The following RAB40C variants were observed in gnomAD, a reference collection of about 807,000 sequenced individuals.
RAB40C encodes ras-related protein Rab-40C.
RAB40C carries 8 observed loss-of-function variants against 28.1 expected under a neutral mutation model. The observed-to-expected ratio is 0.28, with a 90% CI of 0.17 to 0.51. The LOEUF is 0.51. Among genes scored for constraint, RAB40C ranks in the 20% least tolerant of loss-of-function variants. The pLI is 0.97. For synonymous variants in RAB40C, 201 were observed against 171.7 expected (o/e 1.17, Z -1.34); for missense variants, 288 against 405.9 (o/e 0.71, Z 2.50).
rs772828486 is a variant in RAB40C, at chr16:623,186, G to A, written c.265-2246G>A. ...TGAGGCAGCCCATCAGCCGGGAGGC[G>A]GGCCTTCTGCTCTCTTTCTAGAGTT... On this transcript the variant is annotated intron_variant, in intron 3 of 5. Coordinates refer to ENST00000248139, the MANE Select transcript of RAB40C (RefSeq NM_021168.5). Among the ~76,000 whole-genome samples the A allele has an allele frequency of 9.8e-5, 15 of 152,342 alleles. No individual in the cohort carries two copies. The South Asian group carries it at 1.9e-3, about 19-fold the overall frequency.
At chr16:605,908 T>G (rs1431616087) in intron 1 of RAB40C, among the ~76,000 whole-genome samples, 1 of 152,242 alleles carries the variant, frequency 6.6e-6, no homozygotes, top group Non-Finnish European at 1.5e-5. Flanking sequence ...AGAGTCCTGT[T>G]TGTTCTAAGT....
chr16:622,474 C>G (rs138746680), intron 3 of RAB40C, among the ~76,000 whole-genome samples: 1 of 152,182 alleles, frequency 6.6e-6, no homozygotes, highest in Non-Finnish European at 1.5e-5. Context: ...AGGGCGAGCG[C>G]GCGTCCTGAC....
intron 1 of RAB40C, among the ~76,000 whole-genome samples, chr16:606,585 A>G (rs2036364007): frequency 1.3e-5 from 2 of 152,234 alleles, no homozygotes; most frequent in Non-Finnish European, 2.9e-5. Flanking sequence ...TGCAGGCCCT[A>G]CAGGAAGATG....
At chr16:619,033 A>C (rs1300330677) in intron 3 of RAB40C, among the ~76,000 whole-genome samples, 1 of 66,218 alleles carries the variant, frequency 1.5e-5, no homozygotes, top group Non-Finnish European at 2.9e-5. Flanking sequence ...GGTGTGGTGT[A>C]CTTGGAGCTG....
At chr16:614,665 C>T (rs1375674474) in intron 1 of RAB40C, among the ~76,000 whole-genome samples, 1 of 151,792 alleles carries the variant, frequency 6.6e-6, no homozygotes, top group South Asian at 2.1e-4. Context: ...AACTGCCAAA[C>T]TTTACCTCGT....
At chr16:600,127 C>T (rs771589776) in intron 1 of RAB40C, among the ~76,000 whole-genome samples, 19 of 152,200 alleles carry the variant, frequency 1.2e-4, no homozygotes, top group South Asian at 4.1e-4. Context: ...CTCCCATGGC[C>T]CCCTTGATGT....
At position 590,438 on chromosome 16, in the gene RAB40C, G is replaced by C; in HGVS notation, c.142+5G>C. On this transcript the variant is annotated splice_donor_5th_base_variant and intron_variant, in intron 1 of 5. Transcript: ENST00000248139. ...CCCCGTACGCCTACAGTAACGGTAA[G>C]GCCCGGCCCGCGGCGCGCGCTGCTA... 6.3e-7 allele frequency: 1 copy of C among 1,577,356 alleles called. No homozygotes were observed. Among genetic ancestry groups the C allele is most frequent in the South Asian group, 1.1e-5 (1 of 87,356 alleles).
At chr16:622,726 CATCTCTT>C (rs2036746245) in intron 3 of RAB40C, among the ~76,000 whole-genome samples, 1 of 152,134 alleles carries the variant, frequency 6.6e-6, no homozygotes, top group South Asian at 2.1e-4. Flanking sequence ...GGATGGTCTC[CATCTCTT>C]GACCTCGTGA....
chr16:627,488 G>C lies in RAB40C; in HGVS notation c.712G>C (p.Gly238Arg), dbSNP rs759429407. The change falls in exon 6 of 6, where the codon GGC becomes CGC. Residue 238 changes from glycine (G) to arginine (R), a missense_variant. Coordinates refer to ENST00000248139, the MANE Select transcript of RAB40C (RefSeq NM_021168.5). ...CGGCATGAACGCGGTCATGATGCAC[G>C]GCCGTTCCTACTCCCTGGCCAGCGG... ...ANGMNAVMMH[G>R]RSYSLASGAG... is the part of the protein sequence containing the mutation. 1.9e-6 allele frequency: 3 copies of C among 1,613,974 alleles called. No homozygotes were observed. In the Admixed American group the frequency reaches 5.0e-5, roughly 27 times the overall value.
At chr16:601,012 G>A (rs1271564108) in intron 1 of RAB40C, among the ~76,000 whole-genome samples, 1 of 152,186 alleles carries the variant, frequency 6.6e-6, no homozygotes, top group East Asian at 1.9e-4. Context: ...CCCTCTGTCT[G>A]CCTCTGCATT....
At chr16:605,137 A>G (rs573833933) in intron 1 of RAB40C, among the ~76,000 whole-genome samples, 9 of 152,320 alleles carry the variant, frequency 5.9e-5, no homozygotes, top group African/African-American at 2.2e-4. Flanking sequence ...AGGCAGGAGG[A>G]TCGTGTGAGC....
intron 1 of RAB40C, among the ~76,000 whole-genome samples, chr16:609,950 G>A (rs1370090143): frequency 6.6e-6 from 1 of 152,158 alleles, no homozygotes; most frequent in Non-Finnish European, 1.5e-5. Context: ...CCAGAGCAAT[G>A]TGGTCAAAGA....
chr16:614,788 C>G (rs948434478), intron 1 of RAB40C, among the ~76,000 whole-genome samples: 2 of 151,908 alleles, frequency 1.3e-5, no homozygotes, highest in African/African-American at 4.8e-5. Flanking sequence ...AACTGCCAAA[C>G]TCTACCTCGT....
At chr16:599,203 G>A (rs1322402921) in intron 1 of RAB40C, among the ~76,000 whole-genome samples, 2 of 152,250 alleles carry the variant, frequency 1.3e-5, no homozygotes, top group South Asian at 4.1e-4. Flanking sequence ...CCAGGCCCCG[G>A]CCCCGGCCGA....
chr16:589,383 C>G (rs1484434159), upstream of RAB40C: 1 of 152,286 alleles, frequency 6.6e-6, no homozygotes, highest in African/African-American at 2.4e-5. Flanking sequence ...GCCGCTCCCT[C>G]CGAGGGTTCT....
At chr16:611,090 A>C (rs1020251688) in intron 1 of RAB40C, among the ~76,000 whole-genome samples, 7 of 152,260 alleles carry the variant, frequency 4.6e-5, no homozygotes, top group African/African-American at 1.7e-4. Flanking sequence ...CGGAGCCTGC[A>C]GGATGGGTGG....
chr16:625,568 C>G, intron 4 of RAB40C, 59 bp downstream of exon 4: 1 of 1,536,750 alleles, frequency 6.5e-7, no homozygotes, highest in South Asian at 1.1e-5. Context: ...GGTACCTGGG[C>G]CCCGGGTAGG....
intron 1 of RAB40C, chr16:596,545 T>C (rs2036128866): frequency 3.0e-6 from 1 of 334,616 alleles, no homozygotes; most frequent in Admixed American, 4.4e-5. Flanking sequence ...GGGAAAGGTG[T>C]CGGCGTCCAG....
chr16:601,102 C>T (rs554392573), intron 1 of RAB40C, among the ~76,000 whole-genome samples: 9 of 152,292 alleles, frequency 5.9e-5, no homozygotes, highest in African/African-American at 1.7e-4. Context: ...TTTTCCTCAC[C>T]GTTCAGTAAA....
Sources: gnomAD v4.1 joint callset for allele counts (sites outside exome capture counted in the v4.1 genomes callset) on GRCh38, gnomAD v4.1.1 for gene constraint, MANE v1.5 for transcripts, NCBI Gene and HGNC (gene_info 2026-07-23, HGNC 2026-07-21) for gene names.